The following PCBP3 variants were observed in gnomAD, a reference collection of about 807,000 sequenced individuals.
PCBP3 encodes the protein poly(rC) binding protein 3.
A neutral mutation model predicts 52.7 loss-of-function variants in PCBP3; 25 were observed. That is an observed-to-expected ratio of 0.47 (90% CI 0.35 to 0.66). PCBP3 has a LOEUF of 0.66. Among genes scored for constraint, PCBP3 ranks in the 30% least tolerant of loss-of-function variants. The pLI is 0.01. For synonymous variants in PCBP3, 162 were observed against 183.0 expected (o/e 0.89, Z 0.93); for missense variants, 391 against 490.3 (o/e 0.80, Z 1.91).
chr21:45,686,794 A>G (rs1248817374), intron 2 of PCBP3, among the ~76,000 whole-genome samples: 1 of 152,172 alleles, frequency 6.6e-6, no homozygotes, highest in Non-Finnish European at 1.5e-5. Context: ...AGCTGATTAG[A>G]TGTGTAGAAG....
At chr21:45,936,816 C>A (rs1007303655) in intron 16 of PCBP3, among the ~76,000 whole-genome samples, 5 of 152,202 alleles carry the variant, frequency 3.3e-5, no homozygotes, top group Non-Finnish European at 7.3e-5. Context: ...TTCCTGGGGT[C>A]TCCTTTGTAC....
Position 45,917,860 on chromosome 21 carries a change from C to T in PCBP3, c.717+231C>T. 1 of 566,736 alleles carries T rather than the reference C, an allele frequency of 1.8e-6. No homozygotes were observed. Among genetic ancestry groups the T allele is most frequent in the African/African-American group, 1.9e-5 (1 of 53,804 alleles). The allele number at this position is 566,736 out of a possible 1,614,324, so 35.1% of individuals were successfully genotyped here. On this transcript the variant is annotated intron_variant, in intron 13 of 17. Coordinates refer to ENST00000681687, the MANE Select transcript of PCBP3 (RefSeq NM_001384156.1). This position sits in a 1 kb window ranked among gnomAD's most constrained non-coding sequence, Gnocchi z 5.3. The stretch of plus-strand genomic sequence containing the variant: ...CTGATGTCAAATTGTCTCAATTCTG[C>T]CGCAGTCCTGGGTTTTCCTCCCTCC...
At chr21:45,908,972 C>G (rs1040488873) in intron 9 of PCBP3, among the ~76,000 whole-genome samples, 4 of 152,176 alleles carry the variant, frequency 2.6e-5, no homozygotes, top group Admixed American at 2.0e-4. Context: ...TTACCTGGCT[C>G]TGGGCATCAG....
chr21:45,784,454 C>T (rs180962687), intron 4 of PCBP3, among the ~76,000 whole-genome samples: 2 of 151,658 alleles, frequency 1.3e-5, no homozygotes, highest in East Asian at 3.9e-4. Context: ...TACCTCCTAC[C>T]TCCTACCTCC....
chr21:45,926,511 G>A (rs1234119094), intron 13 of PCBP3, among the ~76,000 whole-genome samples: 1 of 152,212 alleles, frequency 6.6e-6, no homozygotes, highest in Non-Finnish European at 1.5e-5. Context: ...GTCAAACGGT[G>A]TGGTTTTGGT....
intron 4 of PCBP3, among the ~76,000 whole-genome samples, chr21:45,779,615 T>G (rs1163633955): frequency 6.6e-6 from 1 of 152,228 alleles, no homozygotes; most frequent in East Asian, 1.9e-4. Context: ...AAAAATATTA[T>G]TTTTAATAAC....
intron 4 of PCBP3, among the ~76,000 whole-genome samples, chr21:45,824,034 G>A (rs972411924): frequency 4.6e-5 from 7 of 152,152 alleles, no homozygotes; most frequent in African/African-American, 9.7e-5. Flanking sequence ...GAGCCACTAG[G>A]CTCGGCCTGT....
chr21:45,675,322 A>G (rs1190365460), intron 2 of PCBP3, among the ~76,000 whole-genome samples: 2 of 152,144 alleles, frequency 1.3e-5, no homozygotes, highest in Non-Finnish European at 2.9e-5. Flanking sequence ...TCCTTGATGC[A>G]GGGATAGATC....
At chr21:45,823,714 A>T (rs2093218180) in intron 4 of PCBP3, among the ~76,000 whole-genome samples, 1 of 130,262 alleles carries the variant, frequency 7.7e-6, no homozygotes, top group African/African-American at 3.0e-5. Flanking sequence ...ACCCCAGGCA[A>T]AGTAGGTGTT....
rs779902695 is a variant in PCBP3 at position 45,935,505 on chromosome 21, AT to A, written c.909+201del. On this transcript the variant is annotated intron_variant, in intron 16 of 17. Transcript: ENST00000681687. Reference sequence around the variant, plus strand: ...CCCATAAAAAGTTATGTGTTTTTACATCCCTAAGATGTTGAACAAGCAACAG... The same window carrying A: ...CCCATAAAAAGTTATGTGTTTTTACACCCTAAGATGTTGAACAAGCAACAG... 4 of 686,494 alleles carry A rather than the reference AT, an allele frequency of 5.8e-6. No homozygotes were observed. In the South Asian group the frequency reaches 6.0e-5, roughly 10 times the overall value. 42.5% of individuals were successfully genotyped at this position (686,494 alleles called of 1,614,324 possible).
chr21:45,667,952 T>C (rs2080914937), intron 1 of PCBP3, among the ~76,000 whole-genome samples: 1 of 152,186 alleles, frequency 6.6e-6, no homozygotes, highest in South Asian at 2.1e-4. Flanking sequence ...CTTGAATAGT[T>C]TAGTGGTCAG....
At chr21:45,774,126 C>T (rs776534989) in intron 4 of PCBP3, among the ~76,000 whole-genome samples, 7 of 151,994 alleles carry the variant, frequency 4.6e-5, no homozygotes, top group African/African-American at 1.5e-4. Flanking sequence ...TTTATGGGGC[C>T]GGGCGTGGTG....
In PCBP3 at chr21:45,869,711, G is replaced by T. The variant is rs547928304; in HGVS notation, c.10+19616G>T. 5.7e-5 allele frequency among the ~76,000 whole-genome samples: 8 copies of T among 140,184 alleles called. No homozygotes were observed. In the South Asian group the frequency reaches 1.8e-3, roughly 32 times the overall value. 92.0% of individuals were successfully genotyped at this position (140,184 alleles called of 152,430 possible). On this transcript the variant is annotated intron_variant, in intron 5 of 17. Coordinates refer to ENST00000681687, the MANE Select transcript of PCBP3 (RefSeq NM_001384156.1). ...TGTGGAGACCTCGGTGGACAGAAGG[G>T]CAGTGGGGCCTGGGGAGTGTGACCC...
chr21:45,920,293 T>G (rs1012381050), intron 13 of PCBP3, among the ~76,000 whole-genome samples: 8 of 152,164 alleles, frequency 5.3e-5, no homozygotes, highest in African/African-American at 1.9e-4. Context: ...AGAATGCTTG[T>G]GGTCTGAAAT....
chr21:45,861,915 C>T (rs6518258), intron 5 of PCBP3, among the ~76,000 whole-genome samples: 118,200 of 152,134 alleles, frequency 0.78, 46,471 homozygotes, highest in East Asian at 1. Context: ...CTCACCATTA[C>T]GGAGGCTGGC....
intron 13 of PCBP3, among the ~76,000 whole-genome samples, chr21:45,926,951 A>C (rs1301807860): frequency 6.6e-6 from 1 of 152,192 alleles, no homozygotes; most frequent in East Asian, 1.9e-4. Flanking sequence ...GACAGACAGG[A>C]TGGCATCTGA....
At chr21:45,696,048 C>T (rs922590161) in intron 2 of PCBP3, among the ~76,000 whole-genome samples, 2 of 128,314 alleles carry the variant, frequency 1.6e-5, no homozygotes, top group Non-Finnish European at 3.1e-5. Flanking sequence ...CACTGCACTC[C>T]AGCCTGGGTA....
rs145353073 is a variant in PCBP3 at position 45,857,967 on chromosome 21, C to T, written c.10+7872C>T. Among the ~76,000 whole-genome samples, 328 of 152,264 alleles carry T rather than the reference C, an allele frequency of 2.2e-3. 1 individual carries two copies. Among genetic ancestry groups the T allele is most frequent in the African/African-American group, 7.2e-3 (300 of 41,554 alleles). ...CAGAGGGCAGGGGTGTTGCCTCCCC[C>T]CACAGCCAAGCCAGGCCTCCCCCAT... On this transcript the variant is annotated intron_variant, in intron 5 of 17. Transcript: ENST00000681687.
chr21:45,917,279 G>T lies in PCBP3; in HGVS notation c.676-309G>T. On this transcript the variant is annotated intron_variant, in intron 12 of 17. Transcript: ENST00000681687. The surrounding 1 kb of genome is among the most constrained non-coding windows in gnomAD (Gnocchi z 5.3). ...AATAATTAGTGGAGACCTCTTACTGGGCAGATCACTCTTCGATTCTTTTGC... is the reference window on the plus strand; with the variant it reads ...AATAATTAGTGGAGACCTCTTACTGTGCAGATCACTCTTCGATTCTTTTGC... 1 of 340,058 alleles carries T rather than the reference G, an allele frequency of 2.9e-6. No individual in the cohort carries two copies. Among genetic ancestry groups the T allele is most frequent in the Non-Finnish European group, 5.4e-6 (1 of 185,782 alleles). The allele number at this position is 340,058 out of a possible 1,614,324, so 21.1% of individuals were successfully genotyped here.
Sources: allele counts gnomAD v4.1 joint callset (sites outside exome capture counted in the v4.1 genomes callset), GRCh38; gene constraint gnomAD v4.1.1; non-coding constraint Gnocchi (gnomAD v3.1); transcripts MANE v1.5; gene names NCBI Gene and HGNC (gene_info 2026-07-23, HGNC 2026-07-21).